Variants in ASTN2 observed in about 807,000 individuals in gnomAD.
The protein encoded by ASTN2 is astrotactin-2.
Under a neutral mutation model 139.8 loss-of-function variants are expected in ASTN2, and 54 were observed. That is an observed-to-expected ratio of 0.39 (90% confidence interval 0.31 to 0.48). The LOEUF is 0.48. Ranked by LOEUF, ASTN2 falls within the 20% of genes least tolerant of loss-of-function variation. The pLI is 0.95. For missense variants in ASTN2, 1,565 were observed against 1,725.1 expected, an observed-to-expected ratio of 0.91 and a Z score of 1.64; for synonymous variants, 756 against 719.5, an observed-to-expected ratio of 1.05 and a Z score of -0.81.
At chr9:117,321,943 G>A (rs145950506) in intron 1 of ASTN2, among the ~76,000 whole-genome samples, 1 of 152,204 alleles carries the variant, frequency 6.6e-6, no homozygotes, top group African/African-American at 2.4e-5. Context: ...GAGAACTACT[G>A]CTGTAAAGAG....
At chr9:117,225,574 T>TATATATATACAC (rs371374987) in intron 2 of ASTN2, among the ~76,000 whole-genome samples, 2 of 77,946 alleles carry the variant, frequency 2.6e-5, no homozygotes, top group South Asian at 5.3e-4. Flanking sequence ...TATATATATA[T>TATATATATACAC]ACAGATGAAC....
chr9:116,952,933 C>A (rs1005800919), intron 10 of ASTN2, among the ~76,000 whole-genome samples: 1 of 152,136 alleles, frequency 6.6e-6, no homozygotes, highest in Non-Finnish European at 1.5e-5. Flanking sequence ...TGTGAAAGAC[C>A]CTCTGACAGG....
In ASTN2 at chr9:117,016,595, TA is replaced by T. The variant is rs1564385566; in HGVS notation, c.1424-8337del. 1.2e-3 allele frequency among the ~76,000 whole-genome samples: 60 copies of T among 49,238 alleles called. 4 individuals are homozygous for T. In the South Asian group the frequency reaches 0.014, roughly 12 times the overall value. 32.3% of individuals were successfully genotyped at this position (49,238 alleles called of 152,430 possible). On this transcript the variant is annotated intron_variant, in intron 6 of 22. Transcript: ENST00000313400. ...GGGATTTGGGGTATTCTAGGTTTTA[TA>T]TATATATCTATATCTATATCTATCT... is the stretch of plus-strand genomic sequence containing the variant.
Position 116,995,782 on chromosome 9 carries a change from T to C in ASTN2, c.1591+12310A>G, listed in dbSNP as rs151184939. ...CACTTGTAAAATGAGACGATAACAC[T>C]ATTTCATTACATTAATTCTAAGGCA... On this transcript the variant is annotated intron_variant, in intron 7 of 22. Coordinates refer to ENST00000313400, the MANE Select transcript of ASTN2 (RefSeq NM_001365068.1). 7.7e-4 allele frequency among the ~76,000 whole-genome samples: 117 copies of C among 152,314 alleles called. 1 individual carries two copies. Among genetic ancestry groups the C allele is most frequent in the African/African-American group, 2.7e-3 (111 of 41,568 alleles).
chr9:116,821,330 C>T (rs981498061), intron 11 of ASTN2, among the ~76,000 whole-genome samples: 2 of 152,152 alleles, frequency 1.3e-5, no homozygotes, highest in African/African-American at 4.8e-5. Flanking sequence ...CCTGCAACTA[C>T]AGATTTGTTG....
intron 19 of ASTN2, among the ~76,000 whole-genome samples, chr9:116,605,930 A>C (rs1020375344): frequency 1.3e-5 from 2 of 152,178 alleles, no homozygotes; most frequent in African/African-American, 4.8e-5. Context: ...TGGCTGTACC[A>C]GTAACTCACC....
chr9:117,323,839 G>C (rs1828422522), intron 1 of ASTN2, among the ~76,000 whole-genome samples: 1 of 151,984 alleles, frequency 6.6e-6, no homozygotes, highest in African/African-American at 2.4e-5. Context: ...CACATACTTT[G>C]TTGATGAGGA....
intron 16 of ASTN2, among the ~76,000 whole-genome samples, chr9:116,681,363 T>C (rs996400869): frequency 6.6e-6 from 1 of 151,932 alleles, no homozygotes; most frequent in South Asian, 2.1e-4. Flanking sequence ...CACTGCTCAA[T>C]GAAATAAAAG....
chr9:116,668,353 G>A (rs1023636721), intron 16 of ASTN2, among the ~76,000 whole-genome samples: 1 of 152,008 alleles, frequency 6.6e-6, no homozygotes, highest in African/African-American at 2.4e-5. Context: ...CATCACGCCC[G>A]GCTAATTTTT....
At chr9:117,084,884 G>A (rs1000423449) in intron 5 of ASTN2, among the ~76,000 whole-genome samples, 3 of 152,184 alleles carry the variant, frequency 2.0e-5, no homozygotes, top group Admixed American at 1.3e-4. Context: ...TATGAAATGG[G>A]TTGATTCTTG....
At chr9:116,982,326 T>C (rs1184579456) in intron 7 of ASTN2, among the ~76,000 whole-genome samples, 1 of 152,216 alleles carries the variant, frequency 6.6e-6, no homozygotes, top group Non-Finnish European at 1.5e-5. Flanking sequence ...GATCAAGTGC[T>C]GTACTTGAAA....
intron 19 of ASTN2, among the ~76,000 whole-genome samples, chr9:116,527,560 A>G (rs1448388124): frequency 5.9e-5 from 9 of 152,198 alleles, no homozygotes; most frequent in Non-Finnish European, 1.3e-4. Flanking sequence ...AAACTTGTAC[A>G]CTATTTATGG....
chr9:117,008,260 C>T lies in ASTN2; in HGVS notation c.1424-1G>A, dbSNP rs1837416696. The stretch of plus-strand genomic sequence containing the variant: ...CCTTCACTCACCACGAAGCTGCTTC[C>T]TATGGGTGAACGGAGAGACAGATAC... On this transcript the variant is annotated splice_acceptor_variant, in intron 6 of 22. Transcript: ENST00000313400. LOFTEE classifies it high-confidence loss of function. 1 of 1,595,282 alleles carries T rather than the reference C, an allele frequency of 6.3e-7. No individual in the cohort carries two copies. Among genetic ancestry groups the T allele is most frequent in the Non-Finnish European group, 8.5e-7 (1 of 1,170,692 alleles).
chr9:116,666,946 ATTC>A (rs1564192729), intron 16 of ASTN2, among the ~76,000 whole-genome samples: 1 of 118,610 alleles, frequency 8.4e-6, no homozygotes, highest in Admixed American at 9.6e-5. Flanking sequence ...TTATTTATTT[ATTC>A]TTTTTTTTTT....
At chr9:116,770,406 T>C (rs968332322) in intron 13 of ASTN2, among the ~76,000 whole-genome samples, 5 of 152,158 alleles carry the variant, frequency 3.3e-5, no homozygotes, top group African/African-American at 1.2e-4. Flanking sequence ...TGAGTGCGGG[T>C]TATGTGCCAG....
intron 17 of ASTN2, among the ~76,000 whole-genome samples, chr9:116,638,017 C>T (rs1258662144): frequency 1.3e-5 from 2 of 152,150 alleles, no homozygotes. Flanking sequence ...CTCAGCAAAC[C>T]ATTCCAGGAG....
intron 3 of ASTN2, among the ~76,000 whole-genome samples, chr9:117,186,112 G>A (rs10983567): frequency 0.077 from 11,737 of 152,112 alleles, 633 homozygotes; most frequent in Middle Eastern, 0.12. Flanking sequence ...CCTCTGCTTC[G>A]GTCTCCTCAT....
At chr9:117,166,111 T>A (rs1830664734) in intron 3 of ASTN2, among the ~76,000 whole-genome samples, 1 of 152,050 alleles carries the variant, frequency 6.6e-6, no homozygotes, top group African/African-American at 2.4e-5. Flanking sequence ...TACACAGACA[T>A]TGAGGCTTAT....
At chr9:117,149,560 A>C (rs576779280) in intron 3 of ASTN2, among the ~76,000 whole-genome samples, 2 of 152,262 alleles carry the variant, frequency 1.3e-5, no homozygotes, top group East Asian at 3.9e-4. Flanking sequence ...GACTGGGGAC[A>C]AGGTGATAAG....
Sources: gnomAD v4.1 joint callset for allele counts (sites outside exome capture counted in the v4.1 genomes callset) on GRCh38, gnomAD v4.1.1 for gene constraint, MANE v1.5 for transcripts, NCBI Gene and HGNC (gene_info 2026-07-23, HGNC 2026-07-21) for gene names.